ACSM1: variants seen among roughly 807,000 people sequenced by gnomAD.
ACSM1 encodes the protein acyl-coenzyme A synthetase ACSM1, mitochondrial.
Under a neutral mutation model 75.8 loss-of-function variants are expected in ACSM1, and 79 were observed. The observed-to-expected ratio is 1.04, with a 90% confidence interval of 0.87 to 1.26. The LOEUF (loss-of-function observed/expected upper bound fraction) is 1.26, where lower values mean the gene tolerates loss of function less well. Among genes scored for constraint, ACSM1 ranks in the 50% most tolerant of loss-of-function variants. ACSM1 has a pLI of 0.00. For missense variants in ACSM1, 676 were observed against 720.1 expected (o/e 0.94, Z 0.70); for synonymous variants, 279 against 265.8 (o/e 1.05, Z -0.48).
chr16:20,686,282 T>C (rs1232197177), intron 2 of ACSM1, among the ~76,000 whole-genome samples: 1 of 152,094 alleles, frequency 6.6e-6, no homozygotes, highest in Non-Finnish European at 1.5e-5. Flanking sequence ...TCCAGGCCCT[T>C]TTTTGCCTCA....
intron 1 of ACSM1, among the ~76,000 whole-genome samples, chr16:20,695,554 G>GTCTATCTATCTA (rs3073746): frequency 6.6e-6 from 1 of 151,240 alleles, no homozygotes; most frequent in African/African-American, 2.4e-5. Context: ...CTGATTATCT[G>GTCTATCTATCTA]TCTATCTATC....
At chr16:20,641,457 T>C (rs948400362) in intron 7 of ACSM1, among the ~76,000 whole-genome samples, 4 of 152,190 alleles carry the variant, frequency 2.6e-5, no homozygotes, top group Non-Finnish European at 5.9e-5. Context: ...TCCTTGCTTC[T>C]AGCCTTCCTA....
chr16:20,632,831 T>C (rs1422799230), intron 10 of ACSM1, among the ~76,000 whole-genome samples: 1 of 152,190 alleles, frequency 6.6e-6, no homozygotes, highest in Non-Finnish European at 1.5e-5. Flanking sequence ...AAAAGAATTA[T>C]ACATCATGAC....
At chr16:20,683,427 C>G (rs2079486169) in intron 3 of ACSM1, among the ~76,000 whole-genome samples, 1 of 151,186 alleles carries the variant, frequency 6.6e-6, no homozygotes, top group Non-Finnish European at 1.5e-5. Context: ...CATGCCTGGC[C>G]TCCCTACATT....
intron 7 of ACSM1, among the ~76,000 whole-genome samples, chr16:20,658,181 A>G (rs1343636347): frequency 2.6e-5 from 4 of 152,208 alleles, no homozygotes; most frequent in Non-Finnish European, 5.9e-5. Flanking sequence ...AGGAATCATC[A>G]CACTGTCTTC....
intron 8 of ACSM1, among the ~76,000 whole-genome samples, chr16:20,638,728 C>T (rs1399858624): frequency 1.3e-5 from 2 of 152,194 alleles, no homozygotes; most frequent in South Asian, 2.1e-4. Flanking sequence ...GACTTGGACC[C>T]AGGTCTGTGC....
chr16:20,643,546 G>A (rs960961729), intron 7 of ACSM1, among the ~76,000 whole-genome samples: 1 of 152,280 alleles, frequency 6.6e-6, no homozygotes, highest in African/African-American at 2.4e-5. Flanking sequence ...GCAGACCCTC[G>A]TGGTGAGTGT....
At chr16:20,643,805 TAC>T (rs2018206660) in intron 7 of ACSM1, among the ~76,000 whole-genome samples, 1 of 152,150 alleles carries the variant, frequency 6.6e-6, no homozygotes, top group South Asian at 2.1e-4. Flanking sequence ...GGTGCATTTT[TAC>T]AGAGTGCTGA....
intron 10 of ACSM1, among the ~76,000 whole-genome samples, chr16:20,632,001 A>G (rs2017375346): frequency 6.6e-6 from 1 of 152,160 alleles, no homozygotes; most frequent in Non-Finnish European, 1.5e-5. Flanking sequence ...TAAAATAAAA[A>G]AATTAAAAGG....
chr16:20,653,918 T>C (rs2018792873), intron 7 of ACSM1, among the ~76,000 whole-genome samples: 3 of 143,386 alleles, frequency 2.1e-5, no homozygotes, highest in African/African-American at 8.7e-5. Flanking sequence ...AAAGTTCATA[T>C]GGAACCAAAA....
At chr16:20,683,740 T>TC (rs2079496333) in intron 3 of ACSM1, among the ~76,000 whole-genome samples, 1 of 151,318 alleles carries the variant, frequency 6.6e-6, no homozygotes, top group Non-Finnish European at 1.5e-5. Flanking sequence ...TTTCTTTCTT[T>TC]TTGTATTTTA....
At chr16:20,634,642 G>A (rs2017548753) in intron 10 of ACSM1, among the ~76,000 whole-genome samples, 1 of 152,142 alleles carries the variant, frequency 6.6e-6, no homozygotes, top group African/African-American at 2.4e-5. Context: ...ACCTAAAATA[G>A]GCAAATTCAT....
intron 2 of ACSM1, among the ~76,000 whole-genome samples, chr16:20,689,479 A>G (rs2079614459): frequency 6.6e-6 from 1 of 152,130 alleles, no homozygotes. Context: ...TTTAAATGTA[A>G]GTGGACTAAA....
At chr16:20,670,483 C>T (rs553822169) in intron 5 of ACSM1, among the ~76,000 whole-genome samples, 4 of 152,360 alleles carry the variant, frequency 2.6e-5, no homozygotes, top group Admixed American at 2.6e-4. Flanking sequence ...ATCCATCCTG[C>T]ATCCTGCAGC....
intron 2 of ACSM1, among the ~76,000 whole-genome samples, chr16:20,688,311 C>T (rs766726817): frequency 6.6e-6 from 1 of 151,954 alleles, no homozygotes; most frequent in Non-Finnish European, 1.5e-5. Context: ...AATTATAGGA[C>T]ACTATCAAGC....
chr16:20,658,711 A>C (rs1337248518), intron 7 of ACSM1, among the ~76,000 whole-genome samples: 15 of 152,232 alleles, frequency 9.9e-5, no homozygotes, highest in Admixed American at 9.8e-4. Flanking sequence ...TATATTAACA[A>C]GGCTATAAGA....
intron 8 of ACSM1, 101 bp downstream of exon 8, chr16:20,640,360 G>T: frequency 7.4e-7 from 1 of 1,354,908 alleles, no homozygotes. Context: ...TTGGGGAAAG[G>T]CACAAACCTG....
intron 2 of ACSM1, among the ~76,000 whole-genome samples, chr16:20,688,656 G>C (rs1344414093): frequency 6.6e-6 from 1 of 151,936 alleles, no homozygotes; most frequent in Non-Finnish European, 1.5e-5. Context: ...AGCCAACCAA[G>C]AATTTTACAT....
At chr16:20,692,118 A>G (rs1161726453) in intron 1 of ACSM1, among the ~76,000 whole-genome samples, 3 of 152,156 alleles carry the variant, frequency 2.0e-5, no homozygotes, top group Non-Finnish European at 4.4e-5. Flanking sequence ...AAAAATATAC[A>G]CCATCATCCT....
Sources: gnomAD v4.1 joint callset for allele counts (sites outside exome capture counted in the v4.1 genomes callset) on GRCh38, gnomAD v4.1.1 for gene constraint, MANE v1.5 for transcripts, NCBI Gene and HGNC (gene_info 2026-07-23, HGNC 2026-07-21) for gene names.